The following CEP83 variants were observed in gnomAD, a reference collection of about 807,000 sequenced individuals.
CEP83 encodes centrosomal protein of 83 kDa.
Under a neutral mutation model 101.9 loss-of-function variants are expected in CEP83, and 70 were observed. The ratio of observed to expected loss-of-function variants is 0.69; its 90% confidence interval spans 0.57 to 0.84. CEP83 has a LOEUF of 0.84. CEP83 is among the 40% of genes least tolerant of loss of function. The pLI, the probability that CEP83 is intolerant of heterozygous loss-of-function variation, is 0.00. For missense variants in CEP83, 715 were observed against 787.2 expected (o/e 0.91, Z 1.10); for synonymous variants, 264 against 267.9 (o/e 0.99, Z 0.14).
chr12:94,414,912 C>T (rs1235323135), intron 2 of CEP83, among the ~76,000 whole-genome samples: 1 of 151,984 alleles, frequency 6.6e-6, no homozygotes, highest in East Asian at 1.9e-4. Context: ...GTTAAGATTA[C>T]TAAGATTTAA....
chr12:94,291,520 T>C, the CEP83 span, among the ~76,000 whole-genome samples: 1 of 152,208 alleles, frequency 6.6e-6, no homozygotes, highest in Admixed American at 6.5e-5. Flanking sequence ...CATGAACCAC[T>C]GTGTCCAGCC....
At chr12:94,388,552 T>G (rs1474910780) in intron 6 of CEP83, among the ~76,000 whole-genome samples, 1 of 151,190 alleles carries the variant, frequency 6.6e-6, no homozygotes, top group Non-Finnish European at 1.5e-5. Flanking sequence ...GCAATACACC[T>G]GTGTAACAAA....
chr12:94,279,722 CCCCCCTCCCTG>C, the CEP83 span: 1 of 1,274,562 alleles, frequency 7.8e-7, no homozygotes, highest in Non-Finnish European at 1.1e-6. Context: ...CCCTCCCTGT[CCCCCCTCCCTG>C]CCCCCACCAG....
intron 6 of CEP83, among the ~76,000 whole-genome samples, chr12:94,383,166 C>A (rs1259375188): frequency 2.0e-5 from 3 of 151,956 alleles, no homozygotes; most frequent in Admixed American, 2.0e-4. Flanking sequence ...CTGAAGTCTG[C>A]TCTATCTGAT....
chr12:94,303,855 T>A (rs773809246), downstream of CEP83: 5 of 1,608,952 alleles, frequency 3.1e-6, no homozygotes, highest in Non-Finnish European at 4.2e-6. Flanking sequence ...GCCTCCATTG[T>A]CATCCTCAGA....
chr12:94,379,866 C>T lies in CEP83; in HGVS notation c.550-824G>A, dbSNP rs1406846056. ...CCCAACTATCTATCCCCTACCACCACCCCCACCAAATTTCTGGCATTAACC... is the reference window on the plus strand; with the variant it reads ...CCCAACTATCTATCCCCTACCACCATCCCCACCAAATTTCTGGCATTAACC... On this transcript the variant is annotated intron_variant, in intron 6 of 16. Coordinates refer to ENST00000397809, the MANE Select transcript of CEP83 (RefSeq NM_016122.3). 2.0e-5 allele frequency among the ~76,000 whole-genome samples: 3 copies of T among 152,028 alleles called. No homozygotes were observed. In the East Asian group the frequency reaches 5.8e-4, roughly 29 times the overall value.
chr12:94,403,446 T>G (rs554425625), intron 4 of CEP83, among the ~76,000 whole-genome samples, 184 bp from the exon 5 acceptor site: 1 of 152,316 alleles, frequency 6.6e-6, no homozygotes, highest in African/African-American at 2.4e-5. Flanking sequence ...AATCTCAATT[T>G]CAGGCTCTTG....
Position 94,333,564 on chromosome 12 carries a change from G to C in CEP83, c.1495C>G (p.Leu499Val). Residue 499 changes from leucine to valine, a missense_variant, in exon 13 of 17, where the codon CTG (leucine) becomes GTG (valine). Transcript: ENST00000397809. ...ENDLLNSNQM[L>V]KEMVERLKQE... The stretch of plus-strand genomic sequence containing the variant: ...TTTAATCTCTCCACCATTTCCTTCA[G>C]CATTTGGTTTGAATTCAGCAAGTCA... 1 of 1,613,814 alleles carries C rather than the reference G, an allele frequency of 6.2e-7. No homozygotes were observed. The highest frequency in any genetic ancestry group is 1.1e-5 in the South Asian group (1 of 91,028).
chr12:94,271,363 G>A, the CEP83 span, among the ~76,000 whole-genome samples: 186 of 152,328 alleles, frequency 1.2e-3, 2 homozygotes, highest in African/African-American at 4.3e-3. Flanking sequence ...ATCTTCCCAT[G>A]TGGGAAAAGA....
Position 94,320,286 on chromosome 12 carries a change from T to C in CEP83, c.1708-7269A>G, listed in dbSNP as rs187348179. Among the ~76,000 whole-genome samples, 691 of 152,292 alleles carry C rather than the reference T, an allele frequency of 4.5e-3. 3 individuals carry two copies. The highest frequency in any genetic ancestry group is 7.1e-3 in the Non-Finnish European group (484 of 68,020). On this transcript the variant is annotated intron_variant, in intron 14 of 16. Coordinates refer to ENST00000397809, the MANE Select transcript of CEP83 (RefSeq NM_016122.3). The stretch of plus-strand genomic sequence containing the variant: ...AGACAGCATATCACTGGGTCTTGCT[T>C]TTTTATCCAGCTTGCCACTCTGTGC...
At chr12:94,355,334 A>G (rs777217630) in intron 11 of CEP83, among the ~76,000 whole-genome samples, 1 of 152,074 alleles carries the variant, frequency 6.6e-6, no homozygotes, top group Non-Finnish European at 1.5e-5. Context: ...TCTACTAAAA[A>G]TACAAAAAAT....
chr12:94,388,701 G>C (rs983351205), intron 6 of CEP83, among the ~76,000 whole-genome samples: 4 of 152,166 alleles, frequency 2.6e-5, no homozygotes, highest in African/African-American at 9.7e-5. Context: ...ACTTTAATTT[G>C]TGCTTTTGAT....
At chr12:94,362,133 G>A (rs1429923376) in intron 11 of CEP83, among the ~76,000 whole-genome samples, 1 of 152,108 alleles carries the variant, frequency 6.6e-6, no homozygotes, top group East Asian at 1.9e-4. Flanking sequence ...ATGAAAAATT[G>A]TTCAACATAA....
chr12:94,390,131 A>C (rs1334699566), intron 6 of CEP83, among the ~76,000 whole-genome samples: 2 of 152,194 alleles, frequency 1.3e-5, no homozygotes, highest in African/African-American at 4.8e-5. Flanking sequence ...CCAGCATAGC[A>C]TTTGAGCTCT....
chr12:94,388,970 T>C (rs540765343), intron 6 of CEP83, among the ~76,000 whole-genome samples: 47 of 152,076 alleles, frequency 3.1e-4, no homozygotes, highest in South Asian at 8.3e-4. Context: ...CTACTAAAAA[T>C]AGAAAAATTA....
At chr12:94,423,909 T>G in intron 2 of CEP83, 1 of 1,610,444 alleles carries the variant, frequency 6.2e-7, no homozygotes, top group Admixed American at 1.7e-5. Flanking sequence ...AGCATATACA[T>G]GCCTGTGCTG....
intron 4 of CEP83, among the ~76,000 whole-genome samples, chr12:94,405,988 T>A (rs893903536): frequency 6.6e-6 from 1 of 152,178 alleles, no homozygotes; most frequent in African/African-American, 2.4e-5. Context: ...ATTAGAAGGA[T>A]GAATACGCAG....
chr12:94,424,004 G>A (rs1311477189), intron 2 of CEP83: 1 of 1,613,080 alleles, frequency 6.2e-7, no homozygotes, highest in Non-Finnish European at 8.5e-7. Flanking sequence ...CATCCCTGGT[G>A]TCAGAACTGA....
chr12:94,412,913 C>T (rs1021813699), intron 2 of CEP83, among the ~76,000 whole-genome samples: 5 of 151,078 alleles, frequency 3.3e-5, no homozygotes, highest in Non-Finnish European at 7.4e-5. Context: ...AGTACAGTGG[C>T]GCTATCTCGA....
Sources: gnomAD v4.1 joint callset for allele counts (sites outside exome capture counted in the v4.1 genomes callset) on GRCh38, gnomAD v4.1.1 for gene constraint, MANE v1.5 for transcripts, NCBI Gene and HGNC (gene_info 2026-07-23, HGNC 2026-07-21) for gene names.